XPR1: variants seen among roughly 807,000 people sequenced by gnomAD.
The protein encoded by XPR1 is xenotropic and polytropic retrovirus receptor 1.
A neutral mutation model predicts 87.5 loss-of-function variants in XPR1; 28 were observed. The ratio of observed to expected loss-of-function variants is 0.32; its 90% CI spans 0.24 to 0.44. The LOEUF is 0.44. XPR1 is among the 20% of genes least tolerant of loss of function. The pLI is 1.00. For missense variants in XPR1, 559 were observed against 862.3 expected, an observed-to-expected ratio of 0.65 and a Z score of 4.41; for synonymous variants, 300 against 306.1, an observed-to-expected ratio of 0.98 and a Z score of 0.21.
At chr1:180,713,329 A>G (rs1657872308) in intron 2 of XPR1, among the ~76,000 whole-genome samples, 1 of 152,122 alleles carries the variant, frequency 6.6e-6, no homozygotes, top group African/African-American at 2.4e-5. Flanking sequence ...AAAGATTTTT[A>G]TATATTGATC....
chr1:180,741,007 T>A (rs1022096731), intron 2 of XPR1, among the ~76,000 whole-genome samples: 17 of 152,202 alleles, frequency 1.1e-4, no homozygotes, highest in African/African-American at 3.9e-4. Context: ...CACCTCCTAA[T>A]ACCATCACAT....
rs1652939168 is a variant in XPR1 at position 180,884,381 on chromosome 1, T to A, written c.*315T>A. ...ACAAGGACATAGATACCTATCAGGA[T>A]GAAGAACAGGCATTGCAAGGACCCT... On this transcript the variant is annotated 3_prime_UTR_variant, in exon 15 of 15. Coordinates refer to ENST00000367590, the MANE Select transcript of XPR1 (RefSeq NM_004736.4). 4.7e-6 allele frequency: 1 copy of A among 211,596 alleles called. No homozygotes were observed. The highest frequency in any genetic ancestry group is 1.3e-4 in the East Asian group (1 of 7,912). 13.1% of individuals were successfully genotyped at this position (211,596 alleles called of 1,614,324 possible).
At chr1:180,725,084 C>G (rs1658292182) in intron 2 of XPR1, among the ~76,000 whole-genome samples, 1 of 152,096 alleles carries the variant, frequency 6.6e-6, no homozygotes, top group Non-Finnish European at 1.5e-5. Context: ...GTAAGGATCC[C>G]TAAAGGTATC....
At chr1:180,736,158 A>T (rs746273259) in intron 2 of XPR1, among the ~76,000 whole-genome samples, 4 of 152,230 alleles carry the variant, frequency 2.6e-5, no homozygotes, top group Non-Finnish European at 5.9e-5. Context: ...GCCTTACGAC[A>T]TTAATGTTTT....
intron 2 of XPR1, among the ~76,000 whole-genome samples, chr1:180,688,312 C>T (rs1656860455): frequency 1.3e-5 from 2 of 151,792 alleles, no homozygotes; most frequent in South Asian, 4.2e-4. Flanking sequence ...TGGTCTCGAA[C>T]TCCTGACCTC....
Position 180,884,143 on chromosome 1 carries a change from C to A in XPR1, c.*77C>A. 7.4e-7 allele frequency: 1 copy of A among 1,343,052 alleles called. No individual in the cohort carries two copies. Among genetic ancestry groups the A allele is most frequent in the Non-Finnish European group, 1.0e-6 (1 of 956,740 alleles). The allele number at this position is 1,343,052 out of a possible 1,614,324, so 83.2% of individuals were successfully genotyped here. A position where few individuals can be genotyped will look rare whatever the true frequency, so the allele number is the denominator to read the frequency against. ...TCCTCGACCAACGCAACCTCTAGTA[C>A]CTTTCCAGCCGAAAACAGGAGAAAA... On this transcript the variant is annotated 3_prime_UTR_variant, in exon 15 of 15. Transcript: ENST00000367590.
chr1:180,686,108 T>C (rs1656766509), intron 2 of XPR1, among the ~76,000 whole-genome samples: 1 of 152,192 alleles, frequency 6.6e-6, no homozygotes, highest in Non-Finnish European at 1.5e-5. Context: ...TTTCCTGCTT[T>C]CTCTTGTGGG....
intron 7 of XPR1, among the ~76,000 whole-genome samples, chr1:180,817,332 AGT>A (rs368553873): frequency 4.1e-4 from 63 of 152,286 alleles, no homozygotes; most frequent in African/African-American, 1.4e-3. Flanking sequence ...GTGTAGCCTA[AGT>A]GTACAATGTG....
chr1:180,640,805 AGAG>A (rs1654938437), intron 1 of XPR1, among the ~76,000 whole-genome samples: 1 of 152,230 alleles, frequency 6.6e-6, no homozygotes, highest in South Asian at 2.1e-4. Flanking sequence ...AAGGGTAAAA[AGAG>A]GAGGACAAAA....
intron 1 of XPR1, among the ~76,000 whole-genome samples, chr1:180,669,827 A>G (rs774929548): frequency 1.3e-5 from 2 of 152,252 alleles, no homozygotes; most frequent in Middle Eastern, 3.4e-3. Flanking sequence ...GAGATTAACA[A>G]TAATAACTAA....
intron 3 of XPR1, among the ~76,000 whole-genome samples, chr1:180,798,406 C>A (rs1349218429): frequency 6.6e-6 from 1 of 151,588 alleles, no homozygotes; most frequent in Non-Finnish European, 1.5e-5. Context: ...CAACACAAAT[C>A]GATAAAGAGA....
intron 11 of XPR1, 132 bp downstream of exon 11, chr1:180,836,848 A>AT (rs1651312757): frequency 9.6e-7 from 1 of 1,039,360 alleles, no homozygotes; most frequent in Admixed American, 2.3e-5. Flanking sequence ...TCCTTCAGTT[A>AT]TATCAGTTTG....
chr1:180,658,861 A>C (rs1655632213), intron 1 of XPR1, among the ~76,000 whole-genome samples: 1 of 151,552 alleles, frequency 6.6e-6, no homozygotes, highest in African/African-American at 2.4e-5. Context: ...GAGCCACTGC[A>C]CCCGGCCGAT....
At chr1:180,699,358 TC>T (rs1368655555) in intron 2 of XPR1, among the ~76,000 whole-genome samples, 5 of 103,082 alleles carry the variant, frequency 4.9e-5, no homozygotes, top group African/African-American at 1.5e-4. Context: ...ATGCTATCCC[TC>T]CCCCCTCCCC....
At chr1:180,796,520 A>T (rs756477657) in intron 3 of XPR1, among the ~76,000 whole-genome samples, 1 of 152,150 alleles carries the variant, frequency 6.6e-6, no homozygotes, top group African/African-American at 2.4e-5. Context: ...TGATTTCTTC[A>T]TCATTTCTAT....
intron 2 of XPR1, among the ~76,000 whole-genome samples, chr1:180,722,553 A>T (rs897834763): frequency 1.3e-5 from 2 of 152,226 alleles, no homozygotes; most frequent in Non-Finnish European, 2.9e-5. Context: ...GATCTGACAT[A>T]TAATGAAACT....
At chr1:180,739,661 C>G (rs958391909) in intron 2 of XPR1, among the ~76,000 whole-genome samples, 1 of 152,112 alleles carries the variant, frequency 6.6e-6, no homozygotes, top group Non-Finnish European at 1.5e-5. Context: ...AATTTATACC[C>G]AATTATTTCC....
At chr1:180,760,806 A>G (rs1290982525) in intron 2 of XPR1, among the ~76,000 whole-genome samples, 1 of 152,206 alleles carries the variant, frequency 6.6e-6, no homozygotes, top group Non-Finnish European at 1.5e-5. Flanking sequence ...CCGCATCGCC[A>G]AGTCAATCCT....
intron 2 of XPR1, among the ~76,000 whole-genome samples, chr1:180,781,988 T>C (rs61811196): frequency 0.018 from 2,695 of 152,072 alleles, 54 homozygotes; most frequent in Admixed American, 0.026. Context: ...GATAAGACAA[T>C]TATAGAGATG....
Sources: gnomAD v4.1 joint callset for allele counts (sites outside exome capture counted in the v4.1 genomes callset) on GRCh38, gnomAD v4.1.1 for gene constraint, MANE v1.5 for transcripts, NCBI Gene and HGNC (gene_info 2026-07-23, HGNC 2026-07-21) for gene names.